KLHL1: variants seen among roughly 807,000 people sequenced by gnomAD.
KLHL1 encodes kelch like family member 1.
KLHL1 carries 47 observed loss-of-function variants against 77.7 expected under a neutral mutation model. That is an observed-to-expected ratio of 0.60 (90% CI 0.48 to 0.77). The LOEUF is 0.77. Ranked by LOEUF, KLHL1 falls within the 30% of genes least tolerant of loss-of-function variation. KLHL1 has a pLI of 0.00. For missense variants in KLHL1, 925 were observed against 910.8 expected (o/e 1.02, Z -0.20); for synonymous variants, 360 against 325.2 (o/e 1.11, Z -1.15).
chr13:70,105,773 A>G (rs947838414), intron 1 of KLHL1, among the ~76,000 whole-genome samples: 3 of 151,072 alleles, frequency 2.0e-5, no homozygotes, highest in African/African-American at 7.2e-5. Context: ...CATAGTATTC[A>G]TAGTACCTAA....
intron 4 of KLHL1, among the ~76,000 whole-genome samples, chr13:69,914,081 C>A (rs2210446): frequency 6.6e-6 from 1 of 151,826 alleles, no homozygotes; most frequent in East Asian, 1.9e-4. Context: ...TCGAACATGG[C>A]ACTCCAACTT....
intron 1 of KLHL1, among the ~76,000 whole-genome samples, chr13:70,103,872 G>C (rs1486589226): frequency 2.0e-5 from 3 of 152,076 alleles, no homozygotes; most frequent in Non-Finnish European, 4.4e-5. Context: ...CAAGAAGAGA[G>C]GTGGCTATGT....
intron 4 of KLHL1, among the ~76,000 whole-genome samples, chr13:69,884,820 CTT>C (rs1217707510): frequency 6.6e-6 from 1 of 151,748 alleles, no homozygotes; most frequent in African/African-American, 2.4e-5. Flanking sequence ...CTCCAGAAAA[CTT>C]AGAGTCAAAT....
intron 1 of KLHL1, among the ~76,000 whole-genome samples, chr13:69,976,958 G>A (rs1034915877): frequency 8.5e-5 from 13 of 152,066 alleles, no homozygotes; most frequent in African/African-American, 2.9e-4. Context: ...AGTCCAAGGA[G>A]CTCAACATAA....
chr13:70,023,560 A>G (rs116860298), intron 1 of KLHL1, among the ~76,000 whole-genome samples: 2,070 of 152,052 alleles, frequency 0.014, 24 homozygotes, highest in Non-Finnish European at 0.02. Context: ...TAATCTAGGA[A>G]CCAGCAAGTT....
chr13:69,937,400 A>AT (rs2138294434), intron 4 of KLHL1, among the ~76,000 whole-genome samples: 1 of 152,196 alleles, frequency 6.6e-6, no homozygotes, highest in Admixed American at 6.5e-5. Flanking sequence ...ATAGGCAGCC[A>AT]TTTTTTCAAC....
rs1343145724 is a variant in KLHL1 at position 69,926,771 on chromosome 13, TC to T, written c.1014+13268del. Among the ~76,000 whole-genome samples the T allele has an allele frequency of 2.6e-5, 4 of 150,952 alleles. No homozygotes were observed. The East Asian group carries it at 7.8e-4, about 30-fold the overall frequency. Reference sequence around the variant, plus strand: ...GACCATCCTGGCAAACATGTTGAAATCCCGTCTCTACTAAAAATACAAAAAA... The same window carrying T: ...GACCATCCTGGCAAACATGTTGAAATCCGTCTCTACTAAAAATACAAAAAA... On this transcript the variant is annotated intron_variant, in intron 4 of 10. Transcript: ENST00000377844.
chr13:70,015,559 C>T (rs2439670), intron 1 of KLHL1, among the ~76,000 whole-genome samples: 120,336 of 152,094 alleles, frequency 0.79, 47,650 homozygotes, highest in Admixed American at 0.82. Flanking sequence ...ACTTTGAATA[C>T]ACATATGACT....
At chr13:69,993,192 T>A (rs1397923929) in intron 1 of KLHL1, among the ~76,000 whole-genome samples, 1 of 151,990 alleles carries the variant, frequency 6.6e-6, no homozygotes, top group East Asian at 1.9e-4. Flanking sequence ...AACCAATGAA[T>A]GAGATATAGG....
At chr13:69,764,919 T>G (rs1366315783) in intron 7 of KLHL1, among the ~76,000 whole-genome samples, 3 of 145,646 alleles carry the variant, frequency 2.1e-5, no homozygotes, top group Non-Finnish European at 4.5e-5. Flanking sequence ...TGCTTTCATG[T>G]ATATCTTTGC....
In KLHL1 at chr13:69,719,428, T is replaced by G. The variant is rs914755690; in HGVS notation, c.1956A>C (p.Val652=). The change falls in exon 9 of 11, where the codon GTA becomes GTC. Residue 652 remains valine (V), a synonymous_variant. Transcript: ENST00000377844. ...TTGAAGCAGGAGCATCATGACCTCC[T>G]ACTGCATAAAGAAAACCGTCACATG... The part of the protein sequence containing the change: ...VATCDGFLYA[V]GGHDAPASNH... The G allele has an allele frequency of 6.2e-7, 1 of 1,613,620 alleles. No homozygotes were observed. Among genetic ancestry groups the G allele is most frequent in the Non-Finnish European group, 8.5e-7 (1 of 1,179,754 alleles).
intron 8 of KLHL1, among the ~76,000 whole-genome samples, chr13:69,721,422 G>T (rs1873058906): frequency 6.6e-6 from 1 of 151,580 alleles, no homozygotes. Flanking sequence ...TAATGGTCAT[G>T]AGCCCTTAAC....
intron 3 of KLHL1, among the ~76,000 whole-genome samples, chr13:69,957,102 T>G (rs1883912198): frequency 6.6e-6 from 1 of 151,682 alleles, no homozygotes; most frequent in South Asian, 2.1e-4. Context: ...TTATTGAAGA[T>G]TAAATGATAA....
rs1199378934 is a variant in KLHL1 at position 69,924,994 on chromosome 13, C to T, written c.1014+15046G>A. On this transcript the variant is annotated intron_variant, in intron 4 of 10. Transcript: ENST00000377844. ...TGCACAGTGGCCAGATCCCATGCTA[C>T]CTCGCTCACACACTCCTTGCCACTC... 3.9e-5 allele frequency among the ~76,000 whole-genome samples: 6 copies of T among 152,128 alleles called. No individual in the cohort carries two copies. In the East Asian group the frequency reaches 1.2e-3, roughly 29 times the overall value.
chr13:69,926,247 A>G (rs1882809788), intron 4 of KLHL1, among the ~76,000 whole-genome samples: 1 of 152,214 alleles, frequency 6.6e-6, no homozygotes, highest in African/African-American at 2.4e-5. Context: ...GCCCACACCT[A>G]ACCAGTCAGA....
chr13:69,757,449 TA>T (rs1874800550), intron 7 of KLHL1, among the ~76,000 whole-genome samples: 1 of 152,212 alleles, frequency 6.6e-6, no homozygotes, highest in Non-Finnish European at 1.5e-5. Context: ...ACTCAAAGGT[TA>T]AGCATCATGT....
chr13:69,894,968 T>C (rs1449330838), intron 4 of KLHL1: 6 of 484,106 alleles, frequency 1.2e-5, no homozygotes, highest in Admixed American at 6.7e-5. Context: ...GACAGAATGC[T>C]GATGTAGTGT....
At chr13:69,902,327 A>G (rs1444219169) in intron 4 of KLHL1, among the ~76,000 whole-genome samples, 1 of 152,202 alleles carries the variant, frequency 6.6e-6, no homozygotes, top group Non-Finnish European at 1.5e-5. Context: ...GAAGGCAACG[A>G]CAGGAACATT....
intron 1 of KLHL1, among the ~76,000 whole-genome samples, chr13:69,982,618 T>C (rs1396789797): frequency 1.3e-5 from 2 of 151,534 alleles, no homozygotes; most frequent in Non-Finnish European, 2.9e-5. Context: ...AGTAGTAAAT[T>C]CTTCCCTGTC....
Sources: gnomAD v4.1 joint callset for allele counts (sites outside exome capture counted in the v4.1 genomes callset) on GRCh38, gnomAD v4.1.1 for gene constraint, MANE v1.5 for transcripts, NCBI Gene and HGNC (gene_info 2026-07-23, HGNC 2026-07-21) for gene names.